Variants in FOXN3 observed in about 807,000 individuals in gnomAD.
FOXN3 encodes the protein forkhead box protein N3.
Under a neutral mutation model 38.4 loss-of-function variants are expected in FOXN3, and 7 were observed. That is an observed-to-expected ratio of 0.18 (90% CI 0.10 to 0.34). The LOEUF (loss-of-function observed/expected upper bound fraction) is 0.34. Ranked by LOEUF, FOXN3 falls within the 10% of genes least tolerant of loss-of-function variation. The pLI, the probability that FOXN3 is intolerant of heterozygous loss-of-function variation, is 1.00. For synonymous variants in FOXN3, 230 were observed against 242.2 expected, an observed-to-expected ratio of 0.95 and a Z score of 0.47; for missense variants, 456 against 613.4, an observed-to-expected ratio of 0.74 and a Z score of 2.71.
intron 2 of FOXN3, among the ~76,000 whole-genome samples, chr14:89,370,303 T>A (rs1890278756): frequency 6.6e-6 from 1 of 152,196 alleles, no homozygotes; most frequent in Admixed American, 6.5e-5. Flanking sequence ...GCTACAAAAA[T>A]GGTCTCTGAA....
intron 1 of FOXN3, among the ~76,000 whole-genome samples, chr14:89,573,585 TC>T (rs1818449763): frequency 2.6e-5 from 4 of 152,130 alleles, no homozygotes; most frequent in Admixed American, 2.0e-4. Flanking sequence ...GAGAATGGCC[TC>T]CCATCCACGG....
chr14:89,492,661 G>A (rs1893605786), intron 1 of FOXN3, among the ~76,000 whole-genome samples: 2 of 152,134 alleles, frequency 1.3e-5, no homozygotes, highest in African/African-American at 2.4e-5. Context: ...GCAGTAGGGC[G>A]AGATAGCACC....
At chr14:89,550,927 C>G (rs966630487) in intron 1 of FOXN3, among the ~76,000 whole-genome samples, 2 of 152,190 alleles carry the variant, frequency 1.3e-5, no homozygotes, top group African/African-American at 4.8e-5. Context: ...ACTAGAGCCT[C>G]TGCAGACACG....
At chr14:89,324,277 G>T (rs896934458) in intron 3 of FOXN3, among the ~76,000 whole-genome samples, 1 of 152,102 alleles carries the variant, frequency 6.6e-6, no homozygotes, top group African/African-American at 2.4e-5. Context: ...GCACCATTAC[G>T]GAATAGAAAT....
At chr14:89,190,493 GGTGT>G in intron 4 of FOXN3, 9 of 1,509,456 alleles carry the variant, frequency 6.0e-6, no homozygotes, top group African/African-American at 1.4e-5. Context: ...CAACGGGGCC[GGTGT>G]GTGTGTGTGT....
At position 89,326,839 on chromosome 14, in the gene FOXN3, G is replaced by A. The variant is rs74622355; in HGVS notation, c.680+23833C>T. On this transcript the variant is annotated intron_variant, in intron 3 of 5. Coordinates refer to ENST00000557258, the MANE Select transcript of FOXN3 (RefSeq NM_005197.4). ...GCCCATGGTAAGTGGCATAAAGTAG[G>A]AAGAATAGAGAACCATGAAATATTT... 5.5e-3 allele frequency among the ~76,000 whole-genome samples: 833 copies of A among 152,238 alleles called. 7 individuals are homozygous for A. The highest frequency in any genetic ancestry group is 0.019 in the African/African-American group (800 of 41,534).
chr14:89,521,358 TAGAG>T (rs199686142), intron 1 of FOXN3, among the ~76,000 whole-genome samples: 98 of 125,042 alleles, frequency 7.8e-4, no homozygotes, highest in South Asian at 4.6e-3. Context: ...AGATGATAGA[TAGAG>T]AGAGAGAGAG....
Position 89,417,110 on chromosome 14 carries a change from C to A in FOXN3, c.-254G>T, listed in dbSNP as rs1204650448. 1 of 144,178 alleles carries A rather than the reference C, an allele frequency of 6.9e-6. No individual in the cohort carries two copies. Among genetic ancestry groups the A allele is most frequent in the Admixed American group, 6.8e-5 (1 of 14,636 alleles). The allele number at this position is 144,178 out of a possible 1,614,324, so 8.9% of individuals were successfully genotyped here. ...CCGCCGGGCGCGCCGCGCGTCCTCC[C>A]GCCGGCCCCGCCGCTCTCCCCGCCC... On this transcript the variant is annotated 5_prime_UTR_variant, in exon 1 of 6. Transcript: ENST00000557258.
chr14:89,247,613 T>C (rs1490318608), intron 4 of FOXN3, among the ~76,000 whole-genome samples: 1 of 152,200 alleles, frequency 6.6e-6, no homozygotes, highest in African/African-American at 2.4e-5. Flanking sequence ...GCTACCACCA[T>C]AGTCTCGGTC....
chr14:89,289,204 AAAAAGAAAAG>A (rs201734271), intron 3 of FOXN3, among the ~76,000 whole-genome samples: 1,621 of 135,284 alleles, frequency 0.012, 423 homozygotes, highest in Middle Eastern at 0.026. Context: ...AAAAGAAAAG[AAAAAGAAAAG>A]AAAAGAAAAA....
chr14:89,417,568 C>G (rs2140103399), upstream of FOXN3: 1 of 323,134 alleles, frequency 3.1e-6, no homozygotes, highest in African/African-American at 2.2e-5. Flanking sequence ...TCCCCGGGCT[C>G]CGGCCACACG....
At chr14:89,261,160 A>G (rs899589379) in intron 4 of FOXN3, among the ~76,000 whole-genome samples, 2 of 152,196 alleles carry the variant, frequency 1.3e-5, no homozygotes, top group Non-Finnish European at 2.9e-5. Flanking sequence ...GGGGCCTGCA[A>G]TGTCCCAAAA....
upstream of FOXN3, among the ~76,000 whole-genome samples, chr14:89,418,208 G>A (rs539507040): frequency 6.6e-6 from 1 of 152,128 alleles, no homozygotes; most frequent in Non-Finnish European, 1.5e-5. Context: ...CCTCTACAGA[G>A]GAGAAGCCCA....
intron 4 of FOXN3, chr14:89,263,839 G>T (rs1885884032): frequency 6.6e-6 from 1 of 152,170 alleles, no homozygotes; most frequent in Non-Finnish European, 1.5e-5. Flanking sequence ...ATCGCCTGAA[G>T]TCAGGAGTTT....
intron 5 of FOXN3, among the ~76,000 whole-genome samples, chr14:89,170,393 T>C (rs1253932122): frequency 2.0e-5 from 3 of 152,182 alleles, no homozygotes; most frequent in Non-Finnish European, 4.4e-5. Context: ...AAAAGACATA[T>C]TTTCTGATGC....
chr14:89,253,197 C>A (rs80183828), intron 4 of FOXN3, among the ~76,000 whole-genome samples: 10,561 of 152,140 alleles, frequency 0.069, 499 homozygotes, highest in Non-Finnish European at 0.11. Context: ...GGGAGGGGAC[C>A]AAAAATGGAG....
chr14:89,426,667 C>T (rs183832924), intron 1 of FOXN3, among the ~76,000 whole-genome samples: 146 of 152,248 alleles, frequency 9.6e-4, no homozygotes, highest in African/African-American at 3.2e-3. Context: ...TCTAAAGCTC[C>T]GAAAATATTC....
At chr14:89,208,922 T>G (rs534331491) in intron 4 of FOXN3, among the ~76,000 whole-genome samples, 7 of 152,284 alleles carry the variant, frequency 4.6e-5, no homozygotes, top group African/African-American at 1.7e-4. Context: ...CAGTGATGCC[T>G]TCCAGAGAAA....
At chr14:89,367,502 G>T (rs1406179070) in intron 2 of FOXN3, among the ~76,000 whole-genome samples, 1 of 152,170 alleles carries the variant, frequency 6.6e-6, no homozygotes, top group Non-Finnish European at 1.5e-5. Context: ...TATGGACAAA[G>T]CACCCGGGAA....
Sources: allele counts gnomAD v4.1 joint callset (sites outside exome capture counted in the v4.1 genomes callset), GRCh38; gene constraint gnomAD v4.1.1; transcripts MANE v1.5; gene names NCBI Gene and HGNC (gene_info 2026-07-23, HGNC 2026-07-21).